DNAL4: variants seen among roughly 807,000 people sequenced by gnomAD.
The protein encoded by DNAL4 is dynein axonemal light chain 4.
A neutral mutation model predicts 12.6 loss-of-function variants in DNAL4; 10 were observed. The ratio of observed to expected loss-of-function variants is 0.79; its 90% confidence interval spans 0.49 to 1.34. The LOEUF (loss-of-function observed/expected upper bound fraction) is 1.34. DNAL4 is among the 40% of genes most tolerant of loss of function. DNAL4 has a pLI of 0.00. For synonymous variants in DNAL4, 46 were observed against 53.1 expected, an observed-to-expected ratio of 0.87 and a Z score of 0.58; for missense variants, 128 against 138.1, an observed-to-expected ratio of 0.93 and a Z score of 0.37.
In DNAL4 at chr22:38,782,200, C is replaced by T. The variant is rs1389971513; in HGVS notation, c.69+463G>A. On this transcript the variant is annotated intron_variant, in intron 2 of 3. Coordinates refer to ENST00000216068, the MANE Select transcript of DNAL4 (RefSeq NM_005740.3). This position sits in a 1 kb window ranked among gnomAD's most constrained non-coding sequence, Gnocchi z 5.1. ...CAAAATGCCAAGTTCATTCCCATCC[C>T]AGGCTTCCCGTGCCTCTGTTTCCCC... Among the ~76,000 whole-genome samples the T allele has an allele frequency of 6.6e-6, 1 of 152,222 alleles. No individual in the cohort carries two copies. The highest frequency in any genetic ancestry group is 6.5e-5 in the Admixed American group (1 of 15,290).
chr22:38,786,859 G>T (rs1189800378), intron 1 of DNAL4, among the ~76,000 whole-genome samples: 1 of 152,164 alleles, frequency 6.6e-6, no homozygotes, highest in African/African-American at 2.4e-5. Flanking sequence ...GCTATCCCTT[G>T]TTCTTTTGTG....
intron 1 of DNAL4, among the ~76,000 whole-genome samples, chr22:38,791,233 G>T (rs574832068): frequency 6.6e-6 from 1 of 152,176 alleles, no homozygotes; most frequent in South Asian, 2.1e-4. Flanking sequence ...ACCTATATAG[G>T]TCACTTCCCA....
rs369984705 is a variant in DNAL4 at position 38,781,518 on chromosome 22, G to A, written c.70-509C>T. ...CCATCTCTGGGGTCTTGTGTGTTCC[G>A]CGCCTGTCTGTGTCCTCTCTGTGGG... On this transcript the variant is annotated intron_variant, in intron 2 of 3. Coordinates refer to ENST00000216068, the MANE Select transcript of DNAL4 (RefSeq NM_005740.3). Among the ~76,000 whole-genome samples the A allele has an allele frequency of 9.9e-5, 15 of 152,014 alleles. No homozygotes were observed. The East Asian group carries it at 1.4e-3, about 14-fold the overall frequency.
At position 38,782,820 on chromosome 22, in the gene DNAL4, G is replaced by T; in HGVS notation, c.-89C>A. On this transcript the variant is annotated 5_prime_UTR_variant, in exon 2 of 4. Transcript: ENST00000216068. This position sits in a 1 kb window ranked among gnomAD's most constrained non-coding sequence, Gnocchi z 5.1. Reference sequence around the variant, plus strand: ...AAGACACACCCAGGAGATTCAGGAAGCAGGCCCTGCCAACTCGGTGGGAGC... The same window carrying T: ...AAGACACACCCAGGAGATTCAGGAATCAGGCCCTGCCAACTCGGTGGGAGC... 1 of 1,280,556 alleles carries T rather than the reference G, an allele frequency of 7.8e-7. No homozygotes were observed. The highest frequency in any genetic ancestry group is 1.1e-6 in the Non-Finnish European group (1 of 935,272). 79.3% of individuals were successfully genotyped at this position (1,280,556 alleles called of 1,614,324 possible). A position where few individuals can be genotyped will look rare whatever the true frequency, so the allele number is the denominator to read the frequency against.
intron 1 of DNAL4, among the ~76,000 whole-genome samples, chr22:38,789,260 G>T (rs955910591): frequency 2.6e-5 from 4 of 152,158 alleles, no homozygotes; most frequent in African/African-American, 7.2e-5. Flanking sequence ...TGACTTCAAA[G>T]ATTATGCTTT....
Position 38,779,948 on chromosome 22 carries a change from G to A in DNAL4, c.154-335C>T, listed in dbSNP as rs1569316612. On this transcript the variant is annotated intron_variant, in intron 3 of 3. Coordinates refer to ENST00000216068, the MANE Select transcript of DNAL4 (RefSeq NM_005740.3). This position sits in a 1 kb window ranked among gnomAD's most constrained non-coding sequence, Gnocchi z 4.3. ...TGGGCCAGTGCCACCTCCCTCAGATGTAACCTGGACAAGCGGGGCACCAGG... is the reference window on the plus strand; with the variant it reads ...TGGGCCAGTGCCACCTCCCTCAGATATAACCTGGACAAGCGGGGCACCAGG... 6.6e-6 allele frequency among the ~76,000 whole-genome samples: 1 copy of A among 152,182 alleles called. No individual in the cohort carries two copies. Among genetic ancestry groups the A allele is most frequent in the Non-Finnish European group, 1.5e-5 (1 of 68,016 alleles).
intron 1 of DNAL4, among the ~76,000 whole-genome samples, chr22:38,784,467 G>A (rs17827494): frequency 0.41 from 61,736 of 151,206 alleles, 14,895 homozygotes; most frequent in Admixed American, 0.58. Context: ...GAAGGGAGAC[G>A]AATCAAATAT....
intron 1 of DNAL4, among the ~76,000 whole-genome samples, chr22:38,786,261 T>C (rs2093042056): frequency 6.6e-6 from 1 of 152,212 alleles, no homozygotes; most frequent in African/African-American, 2.4e-5. Context: ...AAAGAGCCTT[T>C]TAATAATATA....
rs772296740 is a variant in DNAL4, at chr22:38,779,877, G to A, written c.154-264C>T. On this transcript the variant is annotated intron_variant, in intron 3 of 3. Transcript: ENST00000216068. This position sits in a 1 kb window ranked among gnomAD's most constrained non-coding sequence, Gnocchi z 4.3. ...CGGGAAGGCAAGCATCAGGTCTGGA[G>A]ATAGCCTGGGGCTGCGTCCTGGCTC... 2.0e-5 allele frequency among the ~76,000 whole-genome samples: 3 copies of A among 152,226 alleles called. No individual in the cohort carries two copies. The highest frequency in any genetic ancestry group is 4.4e-5 in the Non-Finnish European group (3 of 68,036).
rs1286299667 is a variant in DNAL4 at position 38,784,718 on chromosome 22, T to G, written c.-139-1848A>C. On this transcript the variant is annotated intron_variant, in intron 1 of 3. Coordinates refer to ENST00000216068, the MANE Select transcript of DNAL4 (RefSeq NM_005740.3). ...TTAGTAGAGATGGGGTTTCACCGTG[T>G]TAGCCAGGATGGTCTCGATCTCCTG... 3.9e-5 allele frequency among the ~76,000 whole-genome samples: 6 copies of G among 152,298 alleles called. No individual in the cohort carries two copies. In the East Asian group the frequency reaches 1.2e-3, roughly 29 times the overall value.
In DNAL4 at chr22:38,782,417, G is replaced by T. The variant is rs2093035630; in HGVS notation, c.69+246C>A. 6.6e-6 allele frequency among the ~76,000 whole-genome samples: 1 copy of T among 152,208 alleles called. No individual in the cohort carries two copies. The highest frequency in any genetic ancestry group is 1.5e-5 in the Non-Finnish European group (1 of 68,036). On this transcript the variant is annotated intron_variant, in intron 2 of 3. Transcript: ENST00000216068. This position sits in a 1 kb window ranked among gnomAD's most constrained non-coding sequence, Gnocchi z 5.1. Reference sequence around the variant, plus strand: ...TTTCATGTGGGCCAGGCCTTCGCCTGTCTCGTTTACCATCCCCACAGTGCC... The same window carrying T: ...TTTCATGTGGGCCAGGCCTTCGCCTTTCTCGTTTACCATCCCCACAGTGCC...
chr22:38,781,031 C>T, intron 2 of DNAL4, 22 bp from the exon 3 acceptor site: 1 of 1,613,600 alleles, frequency 6.2e-7, no homozygotes, highest in African/African-American at 1.3e-5. Context: ...GCAGGGGTAA[C>T]AAACAAGAGA....
rs1021889515 is a variant in DNAL4 at position 38,782,343 on chromosome 22, T to C, written c.69+320A>G. On this transcript the variant is annotated intron_variant, in intron 2 of 3. Coordinates refer to ENST00000216068, the MANE Select transcript of DNAL4 (RefSeq NM_005740.3). The surrounding 1 kb of genome is among the most constrained non-coding windows in gnomAD (Gnocchi z 5.1). ...TCTCCAGCTCCTTCCACCTGCTTCATTTTTCATTATAGTACTTACTGCCTA... is the reference window on the plus strand; with the variant it reads ...TCTCCAGCTCCTTCCACCTGCTTCACTTTTCATTATAGTACTTACTGCCTA... Among the ~76,000 whole-genome samples, 2 of 152,258 alleles carry C rather than the reference T, an allele frequency of 1.3e-5. No individual in the cohort carries two copies. The highest frequency in any genetic ancestry group is 1.9e-4 in the East Asian group (1 of 5,200).
At chr22:38,781,949 C>T (rs2093034989) in intron 2 of DNAL4, among the ~76,000 whole-genome samples, 1 of 152,224 alleles carries the variant, frequency 6.6e-6, no homozygotes, top group Non-Finnish European at 1.5e-5. Context: ...ATCCATTCTG[C>T]TCACAACAGC....
At chr22:38,788,622 G>C (rs2146169333) in intron 1 of DNAL4, among the ~76,000 whole-genome samples, 1 of 152,168 alleles carries the variant, frequency 6.6e-6, no homozygotes, top group East Asian at 1.9e-4. Context: ...TGAAATCCCA[G>C]ACAGTTTTGT....
intron 2 of DNAL4, among the ~76,000 whole-genome samples, chr22:38,781,462 C>T (rs1388472775): frequency 1.3e-5 from 2 of 152,096 alleles, no homozygotes; most frequent in Non-Finnish European, 2.9e-5. Flanking sequence ...GGGCCCTGGG[C>T]CCCACCTCCA....
At position 38,780,978 on chromosome 22, in the gene DNAL4, T is replaced by G; in HGVS notation, c.101A>C (p.Glu34Ala). 1 of 1,614,176 alleles carries G rather than the reference T, an allele frequency of 6.2e-7. No individual in the cohort carries two copies. Among genetic ancestry groups the G allele is most frequent in the Non-Finnish European group, 8.5e-7 (1 of 1,180,010 alleles). ...GGCTGTGACACATAGCTCCATGGTCTCCACGCGCATCTCCTCTGGCATGTC... is the reference window on the plus strand; with the variant it reads ...GGCTGTGACACATAGCTCCATGGTCGCCACGCGCATCTCCTCTGGCATGTC... The part of the protein sequence containing the change: ...HSDMPEEMRV[E>A]TMELCVTACE... The change falls in exon 3 of 4, where the codon GAG becomes GCG. Residue 34 changes from glutamate (E) to alanine (A), a missense_variant. Glu to Ala is a moderately radical substitution (Grantham distance 107). Coordinates refer to ENST00000216068, the MANE Select transcript of DNAL4 (RefSeq NM_005740.3).
chr22:38,781,093 T>C, intron 2 of DNAL4, 84 bp from the exon 3 acceptor site: 7 of 1,498,404 alleles, frequency 4.7e-6, no homozygotes, highest in Non-Finnish European at 6.4e-6. Context: ...GTCCCAAGCT[T>C]AAGGCATGGA....
Position 38,779,667 on chromosome 22 carries a change from T to G in DNAL4, c.154-54A>C. On this transcript the variant is annotated intron_variant, in intron 3 of 3. Coordinates refer to ENST00000216068, the MANE Select transcript of DNAL4 (RefSeq NM_005740.3). The surrounding 1 kb of genome is among the most constrained non-coding windows in gnomAD (Gnocchi z 4.3). ...GGCGCAGGGCAGGTGGGGGCAGGAG[T>G]CAGGTCCTTCTCCAGGAAGGAGAAG... is the stretch of plus-strand genomic sequence containing the variant. 2 of 1,539,810 alleles carry G rather than the reference T, an allele frequency of 1.3e-6. No homozygotes were observed. The highest frequency in any genetic ancestry group is 1.8e-6 in the Non-Finnish European group (2 of 1,137,386).
Sources: allele counts gnomAD v4.1 joint callset (sites outside exome capture counted in the v4.1 genomes callset), GRCh38; gene constraint gnomAD v4.1.1; non-coding constraint Gnocchi (gnomAD v3.1); transcripts MANE v1.5; gene names NCBI Gene and HGNC (gene_info 2026-07-23, HGNC 2026-07-21).